Variants in STK32B observed in about 807,000 individuals in gnomAD.
STK32B encodes serine/threonine kinase 32B, also known as serine/threonine-protein kinase 32B.
STK32B carries 43 observed loss-of-function variants against 52.6 expected under a neutral mutation model. The ratio of observed to expected loss-of-function variants is 0.82; its 90% CI spans 0.64 to 1.05. The LOEUF (loss-of-function observed/expected upper bound fraction) is 1.05, where lower values mean the gene tolerates loss of function less well. STK32B is among the 50% of genes least tolerant of loss of function. STK32B has a pLI of 0.00. For synonymous variants in STK32B, 238 were observed against 204.3 expected, an observed-to-expected ratio of 1.17 and a Z score of -1.41; for missense variants, 621 against 534.6, an observed-to-expected ratio of 1.16 and a Z score of -1.59.
intron 11 of STK32B, among the ~76,000 whole-genome samples, chr4:5,480,362 C>T (rs945125164): frequency 7.2e-5 from 11 of 152,090 alleles, no homozygotes; most frequent in African/African-American, 2.7e-4. Context: ...TGGTTTTAAA[C>T]ATTTTAGGGA....
intron 7 of STK32B, among the ~76,000 whole-genome samples, chr4:5,448,599 C>T (rs1055834154): frequency 9.9e-5 from 15 of 152,204 alleles, no homozygotes; most frequent in African/African-American, 3.6e-4. Flanking sequence ...TGGAGTGGTC[C>T]TTGCTGATTC....
intron 4 of STK32B, among the ~76,000 whole-genome samples, chr4:5,379,526 A>G (rs1034821959): frequency 6.6e-6 from 1 of 152,110 alleles, no homozygotes; most frequent in African/African-American, 2.4e-5. Flanking sequence ...ACCACCCCCA[A>G]TTCATACATT....
chr4:5,051,863 T>C lies in STK32B; in HGVS notation c.-1T>C. On this transcript the variant is annotated 5_prime_UTR_variant, in exon 1 of 12. Coordinates refer to ENST00000282908, the MANE Select transcript of STK32B (RefSeq NM_018401.3). Reference sequence around the variant, plus strand: ...TGTAGCAGCGGCAGCAACGGCGGAATATGGGCGGGAACCACTCCCACAAGC... The same window carrying C: ...TGTAGCAGCGGCAGCAACGGCGGAACATGGGCGGGAACCACTCCCACAAGC... 7 of 1,597,062 alleles carry C rather than the reference T, an allele frequency of 4.4e-6. No homozygotes were observed. The highest frequency in any genetic ancestry group is 6.0e-6 in the Non-Finnish European group (7 of 1,172,596).
At chr4:5,268,857 G>A (rs532463088) in intron 3 of STK32B, among the ~76,000 whole-genome samples, 16 of 152,046 alleles carry the variant, frequency 1.1e-4, no homozygotes, top group African/African-American at 3.9e-4. Flanking sequence ...CAAAAAAGGG[G>A]GAAAAAACAA....
intron 3 of STK32B, among the ~76,000 whole-genome samples, chr4:5,285,473 C>T (rs551564020): frequency 6.6e-6 from 1 of 152,212 alleles, no homozygotes; most frequent in African/African-American, 2.4e-5. Context: ...TAGTGAAAGA[C>T]AGGACATAAT....
At chr4:5,115,353 A>G (rs1445682679) in intron 1 of STK32B, among the ~76,000 whole-genome samples, 2 of 152,192 alleles carry the variant, frequency 1.3e-5, no homozygotes, top group African/African-American at 4.8e-5. Flanking sequence ...AAAAAGTCAG[A>G]GTTTGTGGGG....
chr4:5,381,303 T>G (rs141698364), intron 4 of STK32B, among the ~76,000 whole-genome samples: 20 of 152,336 alleles, frequency 1.3e-4, no homozygotes, highest in African/African-American at 4.6e-4. Context: ...GAAGCTAGAC[T>G]TAGAGCATTT....
chr4:5,112,331 C>G (rs1030925266), intron 1 of STK32B, among the ~76,000 whole-genome samples: 1 of 152,144 alleles, frequency 6.6e-6, no homozygotes, highest in African/African-American at 2.4e-5. Flanking sequence ...TTCATGTATT[C>G]AGGAGACTAA....
chr4:5,184,306 G>A (rs888841684), intron 3 of STK32B, among the ~76,000 whole-genome samples: 7 of 152,150 alleles, frequency 4.6e-5, no homozygotes, highest in Non-Finnish European at 1.5e-5. Context: ...AGGGGAGGGA[G>A]TGAGGTAGGG....
intron 3 of STK32B, among the ~76,000 whole-genome samples, chr4:5,249,080 T>TA (rs967413016): frequency 6.7e-6 from 1 of 149,754 alleles, no homozygotes; most frequent in Non-Finnish European, 1.5e-5. Context: ...AGTATGATAA[T>TA]AAAAAAATAA....
In STK32B at chr4:5,308,395, A is replaced by T. The variant is rs1213340445; in HGVS notation, c.261-22825A>T. Among the ~76,000 whole-genome samples the T allele has an allele frequency of 2.0e-5, 3 of 152,214 alleles. No homozygotes were observed. The South Asian group carries it at 6.2e-4, about 32-fold the overall frequency. ...AAGCTGCAAGTTAGTCCTGCCTCCT[A>T]TCCACCATTTTCCCCAAGTATGTGA... On this transcript the variant is annotated intron_variant, in intron 3 of 11. Transcript: ENST00000282908.
chr4:5,406,673 G>A (rs1577455017), intron 5 of STK32B, among the ~76,000 whole-genome samples: 1 of 152,280 alleles, frequency 6.6e-6, no homozygotes, highest in Admixed American at 6.5e-5. Context: ...AGTGGCCTGA[G>A]ATGTATCTAA....
chr4:5,338,608 A>G (rs1044549526), intron 4 of STK32B, among the ~76,000 whole-genome samples: 3 of 152,224 alleles, frequency 2.0e-5, no homozygotes, highest in African/African-American at 4.8e-5. Flanking sequence ...ATAAATGCCG[A>G]TGTTCCAGAG....
chr4:5,230,518 A>G (rs1450133323), intron 3 of STK32B, among the ~76,000 whole-genome samples: 1 of 152,090 alleles, frequency 6.6e-6, no homozygotes, highest in Non-Finnish European at 1.5e-5. Flanking sequence ...ACATTGTCCT[A>G]TGTCATGTGG....
At chr4:5,418,150 C>G (rs962901975) in intron 6 of STK32B, among the ~76,000 whole-genome samples, 2 of 152,242 alleles carry the variant, frequency 1.3e-5, no homozygotes, top group Non-Finnish European at 2.9e-5. Context: ...AATGAAACAA[C>G]CCATCACTGT....
chr4:5,145,560 C>A (rs550939717), intron 2 of STK32B, among the ~76,000 whole-genome samples: 2 of 152,160 alleles, frequency 1.3e-5, no homozygotes, highest in South Asian at 2.1e-4. Flanking sequence ...GTTGCCTGTT[C>A]TAAAATTTAG....
chr4:5,463,709 G>C (rs981497976), intron 9 of STK32B, among the ~76,000 whole-genome samples: 3 of 152,052 alleles, frequency 2.0e-5, no homozygotes, highest in Admixed American at 1.3e-4. Flanking sequence ...GTGAGCCTCA[G>C]CCCCACCCAC....
At chr4:5,278,774 T>C (rs1420462355) in intron 3 of STK32B, among the ~76,000 whole-genome samples, 1 of 152,098 alleles carries the variant, frequency 6.6e-6, no homozygotes, top group Admixed American at 6.5e-5. Context: ...ACAGGAAGCA[T>C]GGCTGGGAAG....
At chr4:5,191,544 G>A (rs570966852) in intron 3 of STK32B, among the ~76,000 whole-genome samples, 17 of 151,904 alleles carry the variant, frequency 1.1e-4, no homozygotes, top group South Asian at 2.1e-4. Flanking sequence ...GTGAGCCACC[G>A]CGCCTTGCCT....
Sources: allele counts gnomAD v4.1 joint callset (sites outside exome capture counted in the v4.1 genomes callset), GRCh38; gene constraint gnomAD v4.1.1; transcripts MANE v1.5; gene names NCBI Gene and HGNC (gene_info 2026-07-23, HGNC 2026-07-21).